Variants in RBFOX1 observed in about 807,000 individuals in gnomAD.
RBFOX1 encodes the protein RNA binding fox-1 homolog 1, also known as RNA binding protein fox-1 homolog 1.
In RBFOX1, 8 loss-of-function variants were observed where a neutral mutation model predicts 57.7. The observed-to-expected ratio is 0.14, with a 90% CI of 0.08 to 0.25. The LOEUF (loss-of-function observed/expected upper bound fraction) is 0.25, where lower values mean the gene tolerates loss of function less well. Among genes scored for constraint, RBFOX1 ranks in the 10% least tolerant of loss-of-function variants. RBFOX1 has a pLI of 1.00. For missense variants in RBFOX1, 611 were observed against 548.5 expected (o/e 1.11, Z -1.14); for synonymous variants, 326 against 222.4 (o/e 1.47, Z -4.15).
chr16:5,546,973 T>A (rs1351861427), intron 2 of RBFOX1, among the ~76,000 whole-genome samples: 4 of 152,170 alleles, frequency 2.6e-5, no homozygotes, highest in African/African-American at 9.7e-5. Flanking sequence ...AAATTAGATA[T>A]ACATGGCAAA....
chr16:5,321,611 C>T (rs994481831), intron 1 of RBFOX1, among the ~76,000 whole-genome samples: 2 of 152,146 alleles, frequency 1.3e-5, no homozygotes, highest in Non-Finnish European at 2.9e-5. Context: ...GCCACAGCGC[C>T]TGGCCAAGAG....
At chr16:7,003,156 G>T (rs113523967) in intron 3 of RBFOX1, among the ~76,000 whole-genome samples, 2 of 152,088 alleles carry the variant, frequency 1.3e-5, no homozygotes, top group Non-Finnish European at 2.9e-5. Context: ...ATGCTAGACA[G>T]ATCGTTTAAA....
At chr16:7,316,453 T>C (rs1042645563) in intron 4 of RBFOX1, among the ~76,000 whole-genome samples, 11 of 152,188 alleles carry the variant, frequency 7.2e-5, no homozygotes, top group Non-Finnish European at 1.5e-4. Context: ...AAGTCAATGG[T>C]TAATAATTAA....
intron 3 of RBFOX1, among the ~76,000 whole-genome samples, chr16:6,849,037 T>C (rs1236359864): frequency 6.6e-6 from 1 of 152,170 alleles, no homozygotes; most frequent in Non-Finnish European, 1.5e-5. Flanking sequence ...GGCTTACGTG[T>C]CCCTGAACCT....
At chr16:6,581,952 C>T (rs1037818218) in intron 2 of RBFOX1, among the ~76,000 whole-genome samples, 6 of 152,156 alleles carry the variant, frequency 3.9e-5, no homozygotes, top group Non-Finnish European at 8.8e-5. Flanking sequence ...GGCATTTTTG[C>T]TTCCCAAAGG....
intron 2 of RBFOX1, among the ~76,000 whole-genome samples, chr16:5,525,579 T>G (rs2044214039): frequency 6.8e-6 from 1 of 147,426 alleles, no homozygotes; most frequent in African/African-American, 2.5e-5. Context: ...CTCACTGCAT[T>G]CTCCACCTCT....
chr16:6,238,211 A>G (rs1217020628), intron 1 of RBFOX1, among the ~76,000 whole-genome samples: 1 of 152,052 alleles, frequency 6.6e-6, no homozygotes, highest in Non-Finnish European at 1.5e-5. Flanking sequence ...CAGTGATGGC[A>G]TTAGGTCTGC....
chr16:6,655,160 G>C (rs1014123201), intron 3 of RBFOX1, among the ~76,000 whole-genome samples: 4 of 151,442 alleles, frequency 2.6e-5, no homozygotes, highest in Admixed American at 2.0e-4. Flanking sequence ...GATCATCTGA[G>C]GTCAGGAGTT....
chr16:7,150,600 T>C (rs2075922959), intron 4 of RBFOX1, among the ~76,000 whole-genome samples: 1 of 152,226 alleles, frequency 6.6e-6, no homozygotes, highest in Non-Finnish European at 1.5e-5. Context: ...ACTTTCAGGA[T>C]ATTTTCTTCT....
At chr16:5,969,326 T>G (rs1596317953) in intron 4 of RBFOX1, among the ~76,000 whole-genome samples, 1 of 112,560 alleles carries the variant, frequency 8.9e-6, no homozygotes, top group East Asian at 2.4e-4. Flanking sequence ...TTTTTTTTGG[T>G]TTGGAAATGG....
rs1199805538 is a variant in RBFOX1 at position 7,712,268 on chromosome 16, C to A, written c.*1523C>A. On this transcript the variant is annotated 3_prime_UTR_variant, in exon 16 of 16. Transcript: ENST00000550418. ...GGCTGTCCCTGAGTAGTTTTGCTGCCATAGGTTAAGTCCTCATGTGTACAG... is the reference window on the plus strand; with the variant it reads ...GGCTGTCCCTGAGTAGTTTTGCTGCAATAGGTTAAGTCCTCATGTGTACAG... 6.6e-6 allele frequency: 1 copy of A among 152,544 alleles called. No individual in the cohort carries two copies. The allele number at this position is 152,544 out of a possible 1,614,324, so 9.4% of individuals were successfully genotyped here.
chr16:5,758,988 G>T (rs554968212), intron 3 of RBFOX1, among the ~76,000 whole-genome samples: 3 of 152,320 alleles, frequency 2.0e-5, no homozygotes, highest in Non-Finnish European at 2.9e-5. Flanking sequence ...GACACCATTT[G>T]CAGTTAAACC....
At chr16:5,422,822 G>A (rs919074511) in intron 1 of RBFOX1, among the ~76,000 whole-genome samples, 1 of 139,792 alleles carries the variant, frequency 7.2e-6, no homozygotes, top group Non-Finnish European at 1.6e-5. Context: ...GGAGGGAGTG[G>A]GAGGAGGAGG....
At chr16:5,514,053 A>G (rs181200782) in intron 2 of RBFOX1, among the ~76,000 whole-genome samples, 90 of 152,332 alleles carry the variant, frequency 5.9e-4, no homozygotes, top group Admixed American at 1.5e-3. Context: ...GACTGAAGCT[A>G]TCAATTCATA....
chr16:7,312,739 C>G (rs2096345342), intron 4 of RBFOX1, among the ~76,000 whole-genome samples: 2 of 152,216 alleles, frequency 1.3e-5, no homozygotes, highest in South Asian at 2.1e-4. Flanking sequence ...CTTTCAAAAG[C>G]TGACAGAATC....
chr16:6,183,293 A>ATG (rs2097079500), intron 1 of RBFOX1, among the ~76,000 whole-genome samples: 1 of 151,938 alleles, frequency 6.6e-6, no homozygotes, highest in Non-Finnish European at 1.5e-5. Flanking sequence ...ATCCTGGGTA[A>ATG]CAAGGTGAAA....
chr16:5,803,490 C>T (rs1442026832), intron 3 of RBFOX1, among the ~76,000 whole-genome samples: 8 of 152,254 alleles, frequency 5.3e-5, no homozygotes, highest in Non-Finnish European at 7.4e-5. Flanking sequence ...TTTTTAATAA[C>T]GGTGCTACTT....
At chr16:7,093,629 G>C (rs1381869844) in intron 4 of RBFOX1, among the ~76,000 whole-genome samples, 2 of 152,080 alleles carry the variant, frequency 1.3e-5, no homozygotes, top group Non-Finnish European at 2.9e-5. Context: ...TAATGAATGG[G>C]AGCTCATTTG....
chr16:7,260,119 C>A (rs543166658), intron 4 of RBFOX1, among the ~76,000 whole-genome samples: 1 of 152,130 alleles, frequency 6.6e-6, no homozygotes, highest in African/African-American at 2.4e-5. Flanking sequence ...GATCCTTAAG[C>A]ATGAAGGCTT....
Sources: allele counts gnomAD v4.1 joint callset (sites outside exome capture counted in the v4.1 genomes callset), GRCh38; gene constraint gnomAD v4.1.1; transcripts MANE v1.5; gene names NCBI Gene and HGNC (gene_info 2026-07-23, HGNC 2026-07-21).